The following ANKRD10 variants were observed in gnomAD, a reference collection of about 807,000 sequenced individuals.
The protein encoded by ANKRD10 is ankyrin repeat domain-containing protein 10.
In ANKRD10, 14 loss-of-function variants were observed where a neutral mutation model predicts 27.0. The observed-to-expected ratio is 0.52, with a 90% CI of 0.34 to 0.81. ANKRD10 has a LOEUF of 0.81. Among genes scored for constraint, ANKRD10 ranks in the 40% least tolerant of loss-of-function variants. ANKRD10 has a pLI of 0.01. For synonymous variants in ANKRD10, 250 were observed against 224.5 expected (o/e 1.11, Z -1.01); for missense variants, 493 against 544.0 (o/e 0.91, Z 0.93).
intron 4 of ANKRD10, chr13:110,892,703 T>C (rs1448848460): frequency 8.0e-6 from 8 of 999,338 alleles, no homozygotes; most frequent in Non-Finnish European, 9.5e-6. Flanking sequence ...TCAGGCACAG[T>C]GGCAGATTTT....
chr13:110,901,839 G>C (rs1228449489), intron 3 of ANKRD10, among the ~76,000 whole-genome samples: 2 of 152,102 alleles, frequency 1.3e-5, no homozygotes, highest in African/African-American at 4.8e-5. Flanking sequence ...CCAGGAGTTT[G>C]AGACCAGCCT....
intron 4 of ANKRD10, among the ~76,000 whole-genome samples, 156 bp from the exon 5 acceptor site, chr13:110,883,949 A>C (rs1461893734): frequency 3.3e-5 from 5 of 152,232 alleles, no homozygotes; most frequent in Non-Finnish European, 5.9e-5. Context: ...CACACAACTG[A>C]AAAACTTTTC....
At chr13:110,881,288 G>T (rs190248786) in intron 5 of ANKRD10, among the ~76,000 whole-genome samples, 41 of 152,200 alleles carry the variant, frequency 2.7e-4, no homozygotes, top group Admixed American at 7.8e-4. Flanking sequence ...AAATACATCC[G>T]ATTACCCTAA....
At chr13:110,883,917 G>A (rs2064866355) in intron 4 of ANKRD10, 124 bp from the exon 5 acceptor site, 3 of 1,131,572 alleles carry the variant, frequency 2.7e-6, no homozygotes, top group Admixed American at 2.9e-5. Flanking sequence ...AAAAAAAATC[G>A]ACAGGTCACT....
chr13:110,880,087 C>T lies in ANKRD10; in HGVS notation c.813G>A (p.Ser271=), dbSNP rs538855344. The T allele has an allele frequency of 7.2e-5, 117 of 1,613,816 alleles. No individual in the cohort carries two copies. In the South Asian group the frequency reaches 1.1e-3, roughly 16 times the overall value. The change falls in exon 6 of 6, where the codon TCG becomes TCA. Residue 271 remains serine (S), a synonymous_variant. Transcript: ENST00000267339. The part of the protein sequence containing the change: ...VTDMKNSSSV[S]NTLTNGCVIN... ...TGACACATCCATTTGTCAATGTATT[C>T]GATACGGAGCTACTGTTTTTCATAT...
At chr13:110,914,702 C>A in intron 1 of ANKRD10, 23 bp downstream of exon 1, 2 of 1,545,080 alleles carry the variant, frequency 1.3e-6, no homozygotes, top group Non-Finnish European at 1.8e-6. Context: ...GGGAAAATGG[C>A]GCCTTAAAGC....
chr13:110,883,492 A>T (rs2064856281), intron 5 of ANKRD10: 1 of 1,307,378 alleles, frequency 7.6e-7, no homozygotes, highest in South Asian at 2.5e-5. Context: ...TTTTAAAAAG[A>T]CACTGGACAA....
At position 110,879,593 on chromosome 13, in the gene ANKRD10, T is replaced by C. The variant is rs2064771860; in HGVS notation, c.*44A>G. The C allele has an allele frequency of 6.7e-7, 1 of 1,489,610 alleles. No individual in the cohort carries two copies. Among genetic ancestry groups the C allele is most frequent in the South Asian group, 1.2e-5 (1 of 85,976 alleles). 92.3% of individuals were successfully genotyped at this position (1,489,610 alleles called of 1,614,324 possible). A position where few individuals can be genotyped will look rare whatever the true frequency, so the allele number is the denominator to read the frequency against. ...TGCTACATGGGTATTCTGAGCTGGC[T>C]ACCAGGAAGGACTCCTGCGTTTCCG... On this transcript the variant is annotated 3_prime_UTR_variant, in exon 6 of 6. Transcript: ENST00000267339.
At chr13:110,896,502 T>C (rs1024283727) in intron 3 of ANKRD10, among the ~76,000 whole-genome samples, 2 of 152,228 alleles carry the variant, frequency 1.3e-5, no homozygotes, top group African/African-American at 4.8e-5. Flanking sequence ...ACATTCATCA[T>C]CTCTACTATC....
At chr13:110,889,463 A>G (rs969414630) in intron 4 of ANKRD10, among the ~76,000 whole-genome samples, 1 of 152,192 alleles carries the variant, frequency 6.6e-6, no homozygotes, top group Non-Finnish European at 1.5e-5. Context: ...TGCATTTGAC[A>G]CAGATGCAAA....
intron 4 of ANKRD10, among the ~76,000 whole-genome samples, chr13:110,888,354 T>C (rs1389384853): frequency 6.6e-6 from 1 of 151,900 alleles, no homozygotes; most frequent in Non-Finnish European, 1.5e-5. Flanking sequence ...ACTGGAAGTG[T>C]AATTCAGACT....
intron 1 of ANKRD10, among the ~76,000 whole-genome samples, chr13:110,912,930 C>T (rs1422483075): frequency 6.6e-6 from 1 of 152,220 alleles, no homozygotes; most frequent in African/African-American, 2.4e-5. Flanking sequence ...ATGATTCAGA[C>T]AGCTGGAAAC....
At chr13:110,893,326 C>A in intron 3 of ANKRD10, 63 bp from the exon 4 acceptor site, 1 of 1,488,972 alleles carries the variant, frequency 6.7e-7, no homozygotes, top group East Asian at 2.3e-5. Context: ...TCTGCTCCTG[C>A]TGAACTGACT....
In ANKRD10 at chr13:110,914,873, G is replaced by A. The variant is rs2065844592; in HGVS notation, c.62C>T (p.Ser21Leu). The A allele has an allele frequency of 3.2e-6, 5 of 1,549,180 alleles. No homozygotes were observed. Among genetic ancestry groups the A allele is most frequent in the Middle Eastern group, 2.1e-4 (1 of 4,852 alleles). ...GGCGCGGTGCAGCGGGAAACGGAGC[G>A]AGAGCAGCTCCTCGCTGGAGAAGCC... is the stretch of plus-strand genomic sequence containing the variant. ...EAGFSSEELL[S>L]LRFPLHRACR... The change falls in exon 1 of 6, where the codon TCG becomes TTG. Residue 21 changes from serine to leucine, a missense_variant. Physicochemically the swap from Ser to Leu is moderately radical, Grantham distance 145. Coordinates refer to ENST00000267339, the MANE Select transcript of ANKRD10 (RefSeq NM_017664.4).
chr13:110,885,694 G>A (rs1036005405), intron 4 of ANKRD10, among the ~76,000 whole-genome samples: 1 of 152,180 alleles, frequency 6.6e-6, no homozygotes, highest in Non-Finnish European at 1.5e-5. Flanking sequence ...AGCCAAGAGC[G>A]GGTCAACGTT....
At chr13:110,890,335 C>T (rs914297043) in intron 4 of ANKRD10, among the ~76,000 whole-genome samples, 1 of 152,156 alleles carries the variant, frequency 6.6e-6, no homozygotes, top group Non-Finnish European at 1.5e-5. Context: ...CCGACATCAG[C>T]ACTCTCAGTA....
chr13:110,901,139 G>A (rs1027332470), intron 3 of ANKRD10, among the ~76,000 whole-genome samples: 1 of 151,746 alleles, frequency 6.6e-6, no homozygotes, highest in African/African-American at 2.4e-5. Flanking sequence ...TTACTAAATT[G>A]TCCATTTGTA....
chr13:110,893,336 T>C, intron 3 of ANKRD10, 73 bp from the exon 4 acceptor site: 1 of 1,425,758 alleles, frequency 7.0e-7, no homozygotes, highest in East Asian at 2.4e-5. Flanking sequence ...CTGAACTGAC[T>C]AGCTATCTGA....
intron 4 of ANKRD10, among the ~76,000 whole-genome samples, chr13:110,889,289 A>C (rs2065014488): frequency 6.6e-6 from 1 of 151,936 alleles, no homozygotes; most frequent in South Asian, 2.1e-4. Flanking sequence ...AAAATTAAAG[A>C]CTGATACTTC....
Sources: gnomAD v4.1 joint callset for allele counts (sites outside exome capture counted in the v4.1 genomes callset) on GRCh38, gnomAD v4.1.1 for gene constraint, MANE v1.5 for transcripts, NCBI Gene and HGNC (gene_info 2026-07-23, HGNC 2026-07-21) for gene names.